EEFSEC: variants seen among roughly 807,000 people sequenced by gnomAD.
EEFSEC encodes eukaryotic elongation factor, selenocysteine-tRNA specific.
EEFSEC carries 43 observed loss-of-function variants against 42.1 expected under a neutral mutation model. The ratio of observed to expected loss-of-function variants is 1.02; its 90% confidence interval spans 0.80 to 1.32. The LOEUF (loss-of-function observed/expected upper bound fraction) is 1.32, where lower values mean the gene tolerates loss of function less well. Ranked by LOEUF, EEFSEC falls within the 40% of genes most tolerant of loss-of-function variation. EEFSEC has a pLI of 0.00. For synonymous variants in EEFSEC, 354 were observed against 339.1 expected (o/e 1.04, Z -0.48); for missense variants, 745 against 803.6 (o/e 0.93, Z 0.88).
chr3:128,274,908 T>A (rs1175446975), intron 4 of EEFSEC, among the ~76,000 whole-genome samples: 1 of 152,198 alleles, frequency 6.6e-6, no homozygotes, highest in Non-Finnish European at 1.5e-5. Context: ...TTCACAATCT[T>A]GTTTACCTTC....
chr3:128,169,436 G>A (rs1474729512), intron 1 of EEFSEC, among the ~76,000 whole-genome samples: 1 of 152,192 alleles, frequency 6.6e-6, no homozygotes, highest in Non-Finnish European at 1.5e-5. Flanking sequence ...TGAAAGATAA[G>A]CGTGGCACAT....
intron 6 of EEFSEC, among the ~76,000 whole-genome samples, chr3:128,407,691 G>A (rs2068134809): frequency 6.6e-6 from 1 of 152,206 alleles, no homozygotes; most frequent in Non-Finnish European, 1.5e-5. Flanking sequence ...ACACAAGAGG[G>A]TGGAGAAGTG....
At chr3:128,219,606 T>C (rs962969161) in intron 1 of EEFSEC, among the ~76,000 whole-genome samples, 8 of 152,194 alleles carry the variant, frequency 5.3e-5, no homozygotes, top group Admixed American at 1.3e-4. Context: ...CATAATCCTG[T>C]TTTATTTTCT....
chr3:128,211,952 C>T (rs111637416), intron 1 of EEFSEC, among the ~76,000 whole-genome samples: 10,391 of 135,002 alleles, frequency 0.077, 978 homozygotes, highest in East Asian at 0.39. Context: ...CTCCGCCTCC[C>T]GGGTTCATGC....
intron 1 of EEFSEC, among the ~76,000 whole-genome samples, chr3:128,240,847 T>C (rs948071983): frequency 1.3e-5 from 2 of 152,200 alleles, no homozygotes; most frequent in African/African-American, 4.8e-5. Context: ...GGGCAAGTTA[T>C]TTAACCTGTC....
the EEFSEC span, among the ~76,000 whole-genome samples, chr3:128,423,478 C>CAATAAATAAATAAATAAATAAATAAATA: frequency 1.3e-5 from 2 of 150,420 alleles, no homozygotes; most frequent in African/African-American, 4.9e-5. Flanking sequence ...GACCCTGTCT[C>CAATAAATAAATAAATAAATAAATAAATA]AATAAATAAA....
intron 1 of EEFSEC, among the ~76,000 whole-genome samples, chr3:128,216,254 G>A (rs2065809799): frequency 6.6e-6 from 1 of 152,164 alleles, no homozygotes. Context: ...ATTGAGACTC[G>A]GGCCAGTTGT....
chr3:128,388,877 T>A (rs2067873635), intron 6 of EEFSEC, among the ~76,000 whole-genome samples: 1 of 152,212 alleles, frequency 6.6e-6, no homozygotes, highest in Admixed American at 6.5e-5. Context: ...GCTGCAGGTC[T>A]GCTGTTGGTT....
chr3:128,173,375 A>C (rs1180347759), intron 1 of EEFSEC, among the ~76,000 whole-genome samples: 2 of 152,182 alleles, frequency 1.3e-5, no homozygotes, highest in Non-Finnish European at 2.9e-5. Context: ...TTGTGGTAGT[A>C]ATTTCCAGTC....
chr3:128,380,802 T>C (rs2067766762), intron 6 of EEFSEC, among the ~76,000 whole-genome samples: 1 of 152,204 alleles, frequency 6.6e-6, no homozygotes, highest in African/African-American at 2.4e-5. Flanking sequence ...CAGAGCAGTA[T>C]AAGAGGGTTT....
At chr3:128,164,578 C>T (rs923700884) in intron 1 of EEFSEC, among the ~76,000 whole-genome samples, 2 of 152,074 alleles carry the variant, frequency 1.3e-5, no homozygotes, top group Non-Finnish European at 2.9e-5. Flanking sequence ...GGAGGTGCGG[C>T]CAGGTTGGCT....
chr3:128,396,891 C>T (rs769527782), intron 6 of EEFSEC, among the ~76,000 whole-genome samples: 8 of 152,206 alleles, frequency 5.3e-5, no homozygotes, highest in Non-Finnish European at 1.2e-4. Flanking sequence ...TGGGCCAGAC[C>T]TCCCTTACAC....
chr3:128,344,125 T>C (rs2067285790), intron 5 of EEFSEC, among the ~76,000 whole-genome samples: 1 of 152,216 alleles, frequency 6.6e-6, no homozygotes, highest in African/African-American at 2.4e-5. Context: ...TCTAGCTGAA[T>C]GGGCACCTGC....
In EEFSEC at chr3:128,271,465, G is replaced by T. The variant is rs182440238; in HGVS notation, c.786+6684G>T. Among the ~76,000 whole-genome samples, 605 of 152,264 alleles carry T rather than the reference G, an allele frequency of 4.0e-3. 7 individuals carry two copies. Among genetic ancestry groups the T allele is most frequent in the African/African-American group, 0.013 (560 of 41,510 alleles). On this transcript the variant is annotated intron_variant, in intron 4 of 6. Coordinates refer to ENST00000254730, the MANE Select transcript of EEFSEC (RefSeq NM_021937.5). ...AGTTTCTGTGCATTTGATGTTTCAT[G>T]GTTGTCTGGCTTTTGGCAGTGGAAG...
At chr3:128,220,943 A>T (rs2065855615) in intron 1 of EEFSEC, among the ~76,000 whole-genome samples, 1 of 152,226 alleles carries the variant, frequency 6.6e-6, no homozygotes, top group Non-Finnish European at 1.5e-5. Context: ...AGTCTACAAC[A>T]CAACTCTGTT....
chr3:128,336,571 G>T (rs751957044), intron 4 of EEFSEC, among the ~76,000 whole-genome samples: 1 of 152,126 alleles, frequency 6.6e-6, no homozygotes, highest in Non-Finnish European at 1.5e-5. Flanking sequence ...GTTCCACTGG[G>T]GGCCTGGTTC....
At chr3:128,163,835 A>G (rs1403528592) in intron 1 of EEFSEC, among the ~76,000 whole-genome samples, 1 of 150,698 alleles carries the variant, frequency 6.6e-6, no homozygotes, top group Non-Finnish European at 1.5e-5. Context: ...TTGGCCTCCT[A>G]TGTTGCCCAG....
intron 1 of EEFSEC, among the ~76,000 whole-genome samples, chr3:128,223,815 C>T (rs1036623778): frequency 7.2e-5 from 11 of 152,024 alleles, no homozygotes; most frequent in Non-Finnish European, 1.5e-4. Context: ...TGCAGGAAAA[C>T]CAGAAAACAA....
At chr3:128,224,239 A>AT (rs1412965089) in intron 1 of EEFSEC, among the ~76,000 whole-genome samples, 1 of 152,016 alleles carries the variant, frequency 6.6e-6, no homozygotes, top group African/African-American at 2.4e-5. Flanking sequence ...CTGCTTCAGG[A>AT]TTTTTTTTAG....
Sources: gnomAD v4.1 joint callset for allele counts (sites outside exome capture counted in the v4.1 genomes callset) on GRCh38, gnomAD v4.1.1 for gene constraint, MANE v1.5 for transcripts, NCBI Gene and HGNC (gene_info 2026-07-23, HGNC 2026-07-21) for gene names.